The following ABCA9 variants were observed in gnomAD, a reference collection of about 807,000 sequenced individuals.
The protein encoded by ABCA9 is ATP-binding cassette sub-family A member 9.
ABCA9 carries 183 observed loss-of-function variants against 205.3 expected under a neutral mutation model. That is an observed-to-expected ratio of 0.89 (90% CI 0.79 to 1.01). ABCA9 has a LOEUF of 1.01. Ranked by LOEUF, ABCA9 falls within the 50% of genes least tolerant of loss-of-function variation. The probability of loss-of-function intolerance (pLI) is 0.00; values close to 1 mark genes in which losing one functional copy is unlikely to be tolerated. For missense variants in ABCA9, 1,805 were observed against 1,912.4 expected (o/e 0.94, Z 1.05); for synonymous variants, 651 against 683.3 (o/e 0.95, Z 0.74).
At chr17:68,982,010 T>G (rs183286023) in intron 37 of ABCA9, among the ~76,000 whole-genome samples, 2 of 152,228 alleles carry the variant, frequency 1.3e-5, no homozygotes, top group Admixed American at 1.3e-4. Flanking sequence ...TGATGCAGTA[T>G]GCAAAGACCA....
intron 1 of ABCA9, among the ~76,000 whole-genome samples, chr17:69,052,314 G>C (rs1178610502): frequency 1.3e-5 from 2 of 152,154 alleles, no homozygotes; most frequent in African/African-American, 4.8e-5. Flanking sequence ...GATTGAGGCT[G>C]CAGTGAACCA....
At chr17:69,068,336 A>G in the ABCA9 span, among the ~76,000 whole-genome samples, 2 of 152,206 alleles carry the variant, frequency 1.3e-5, no homozygotes, top group Admixed American at 1.3e-4. Context: ...ATTTATTTGT[A>G]CCAAAATACC....
At chr17:69,027,263 G>T (rs2071022391) in intron 14 of ABCA9, 67 bp downstream of exon 14, 2 of 1,571,728 alleles carry the variant, frequency 1.3e-6, no homozygotes, top group Admixed American at 3.8e-5. Context: ...TTTGAAAATT[G>T]TTTGACCTAA....
chr17:69,032,488 C>T, intron 9 of ABCA9: 1 of 423,774 alleles, frequency 2.4e-6, no homozygotes, highest in Non-Finnish European at 4.2e-6. Flanking sequence ...ACATGAGAAG[C>T]ATGTAGCATT....
At chr17:68,981,665 C>T (rs999674398) in intron 37 of ABCA9, among the ~76,000 whole-genome samples, 1 of 151,838 alleles carries the variant, frequency 6.6e-6, no homozygotes, top group African/African-American at 2.4e-5. Flanking sequence ...CATGTTGAAA[C>T]TCTGTCTCTA....
intron 34 of ABCA9, 25 bp downstream of exon 34, chr17:68,984,860 G>A: frequency 6.2e-7 from 1 of 1,614,086 alleles, no homozygotes; most frequent in Non-Finnish European, 8.5e-7. Flanking sequence ...CACTCATGCA[G>A]AGGTTGCTCA....
At position 69,027,435 on chromosome 17, in the gene ABCA9, T is replaced by C. The variant is rs112181953; in HGVS notation, c.1806A>G (p.Val602=). 2 of 1,612,274 alleles carry C rather than the reference T, an allele frequency of 1.2e-6. No homozygotes were observed. The highest frequency in any genetic ancestry group is 1.7e-6 in the Non-Finnish European group (2 of 1,179,118). ...GAATATTTTCCATTTCTAATTCCTG[T>C]ACAACTCGTTGTACCTAATCAAATA... ...HEVEKEVQRV[V]QELEMENIQD... The change falls in exon 14 of 39, where the codon GTA becomes GTG. Residue 602 remains valine (V), a synonymous_variant. Transcript: ENST00000340001.
chr17:69,048,407 CTTGACGAAAGCATGGACTTACGCCACA>C (rs1374403379), intron 3 of ABCA9, among the ~76,000 whole-genome samples: 1 of 140,620 alleles, frequency 7.1e-6, no homozygotes, highest in Non-Finnish European at 1.5e-5. Context: ...CATTTAATAA[CTTGACGAAAGCATGGACTTACGCCACA>C]TTGGCTGCTG....
At chr17:69,052,648 G>A (rs1046858776) in intron 1 of ABCA9, among the ~76,000 whole-genome samples, 16 of 152,258 alleles carry the variant, frequency 1.1e-4, no homozygotes, top group Admixed American at 5.9e-4. Context: ...AAATTCTCCA[G>A]TTCTCTGTGG....
At position 69,008,152 on chromosome 17, in the gene ABCA9, C is replaced by T. The variant is rs924535945; in HGVS notation, c.3231G>A (p.Leu1077=). ...WFGQALVDVS[L]YFLILLLMQI... is the part of the protein sequence containing the mutation. ...GCATTAGCAGGAGGATCAAAAAGTA[C>T]AGGGAAACATCCACCAGTGCTTGGC... Residue 1077 remains leucine, a synonymous_variant, in exon 24 of 39, where the codon CTG becomes CTA. Coordinates refer to ENST00000340001, the MANE Select transcript of ABCA9 (RefSeq NM_080283.4). 1 of 1,613,494 alleles carries T rather than the reference C, an allele frequency of 6.2e-7. No homozygotes were observed. Among genetic ancestry groups the T allele is most frequent in the Non-Finnish European group, 8.5e-7 (1 of 1,179,498 alleles).
rs752408287 is a variant in ABCA9 at position 69,027,442 on chromosome 17, CGTT to C, written c.1796_1798del (p.Gln599del). 10 of 1,606,266 alleles carry C rather than the reference CGTT, an allele frequency of 6.2e-6. No individual in the cohort carries two copies. The highest frequency in any genetic ancestry group is 1.3e-5 in the African/African-American group (1 of 74,496). Reference sequence around the variant, plus strand: ...TTCCATTTCTAATTCCTGTACAACTCGTTGTACCTAATCAAATAAAGAATATTT... The same window carrying C: ...TTCCATTTCTAATTCCTGTACAACTCGTACCTAATCAAATAAAGAATATTT... On this transcript the variant is annotated inframe_deletion, in exon 14 of 39. Transcript: ENST00000340001.
intron 25 of ABCA9, among the ~76,000 whole-genome samples, chr17:69,000,720 T>A (rs1374140649): frequency 2.0e-5 from 3 of 151,510 alleles, no homozygotes; most frequent in Non-Finnish European, 4.4e-5. Context: ...CCTTGGGCAG[T>A]ATGGCCATTT....
chr17:68,990,908 C>T lies in ABCA9; in HGVS notation c.3766G>A (p.Gly1256Arg), dbSNP rs1446291098. The change falls in exon 29 of 39, where the codon GGA becomes AGA. Residue 1256 changes from glycine (G) to arginine (R), a missense_variant. Physicochemically the swap from Gly to Arg is moderately radical, Grantham distance 125. Coordinates refer to ENST00000340001, the MANE Select transcript of ABCA9 (RefSeq NM_080283.4). The part of the protein sequence containing the change: ...AIFPNPEEPE[G>R]EEEDIQMERM... ...TCCATCTGGATATCTTCCTCCTCTC[C>T]TTCAGGCTCTTCTGGGTTTGGAAAA... 4 of 1,613,970 alleles carry T rather than the reference C, an allele frequency of 2.5e-6. No homozygotes were observed. The highest frequency in any genetic ancestry group is 3.3e-5 in the Admixed American group (2 of 59,966).
intron 1 of ABCA9, 31 bp from the exon 2 acceptor site, chr17:69,051,170 A>G (rs1447990427): frequency 2.9e-5 from 47 of 1,596,852 alleles, no homozygotes; most frequent in Non-Finnish European, 3.8e-5. Context: ...AATGAAGTAC[A>G]TGTGAAGGTC....
At position 69,027,643 on chromosome 17, in the gene ABCA9, T is replaced by C. The variant is rs758201182; in HGVS notation, c.1788A>G (p.Lys596=). The C allele has an allele frequency of 3.1e-6, 5 of 1,613,156 alleles. No individual in the cohort carries two copies. In the South Asian group the frequency reaches 5.5e-5, roughly 18 times the overall value. ...GACATCTAATATGCTCACATACCTC[T>C]TTCTCCACTTCATGTGGCAAAATCC... ...IKGILPHEVE[K]EVQRVVQELE... The change falls in exon 13 of 39, where the codon AAA becomes AAG. Residue 596 remains lysine, a synonymous_variant. Transcript: ENST00000340001.
chr17:69,037,782 GT>G (rs776012448), intron 6 of ABCA9, among the ~76,000 whole-genome samples: 1 of 151,728 alleles, frequency 6.6e-6, no homozygotes, highest in Non-Finnish European at 1.5e-5. Context: ...TCCAGGAGCT[GT>G]TTTTTTTAAA....
chr17:69,050,943 T>A, intron 2 of ABCA9, 88 bp downstream of exon 2: 2 of 1,239,712 alleles, frequency 1.6e-6, no homozygotes, highest in South Asian at 3.1e-5. Context: ...ATGTGCAATG[T>A]TAAATAATGA....
rs1198010248 is a variant in ABCA9 at position 69,023,610 on chromosome 17, T to C, written c.2281+604A>G. Among the ~76,000 whole-genome samples, 2 of 152,164 alleles carry C rather than the reference T, an allele frequency of 1.3e-5. No homozygotes were observed. Among genetic ancestry groups the C allele is most frequent in the South Asian group, 4.1e-4 (2 of 4,824 alleles). ...ATATGGCAAACACATTTTTACAGAG[T>C]AAACTTAAGAAGCATTCTACCTCAA... On this transcript the variant is annotated intron_variant, in intron 17 of 38. Transcript: ENST00000340001. This position sits in a 1 kb window ranked among gnomAD's most constrained non-coding sequence, Gnocchi z 4.2.
chr17:69,048,008 G>A (rs1219069367), intron 3 of ABCA9, among the ~76,000 whole-genome samples: 1 of 152,182 alleles, frequency 6.6e-6, no homozygotes, highest in Non-Finnish European at 1.5e-5. Context: ...AATCATGGCA[G>A]ATGGGGAAGC....
Sources: gnomAD v4.1 joint callset for allele counts (sites outside exome capture counted in the v4.1 genomes callset) on GRCh38, gnomAD v4.1.1 for gene constraint, Gnocchi (gnomAD v3.1) non-coding constraint, MANE v1.5 for transcripts, NCBI Gene and HGNC (gene_info 2026-07-23, HGNC 2026-07-21) for gene names.